Variants in RMST observed in about 807,000 individuals in gnomAD.
RMST encodes the protein long intergenic non-protein coding RNA 54.
chr12:97,463,876 GT>G (rs1047253608), intron 4 of RMST, among the ~76,000 whole-genome samples: 1 of 151,600 alleles, frequency 6.6e-6, no homozygotes, highest in Non-Finnish European at 1.5e-5. Context: ...AAATTAGTTG[GT>G]TTTTTTTAAT....
intron 13 of RMST, chr12:97,563,977 A>G: frequency 2.2e-6 from 1 of 454,500 alleles, no homozygotes. Flanking sequence ...TGATGGAGAC[A>G]AGATTTAGTG....
At chr12:97,535,551 T>C (rs1882004849) in intron 11 of RMST, among the ~76,000 whole-genome samples, 1 of 150,094 alleles carries the variant, frequency 6.7e-6, no homozygotes, top group Admixed American at 6.6e-5. Context: ...AAACTCACAC[T>C]CAGATTGGCA....
At chr12:97,560,652 C>G (rs1215007792) in exon 12 of RMST, 1 of 152,142 alleles carries the variant, frequency 6.6e-6, no homozygotes, top group Non-Finnish European at 1.5e-5. Context: ...ATTCAGAAAG[C>G]CTGGAGTGAT....
chr12:97,547,712 G>T (rs546875507), intron 11 of RMST, among the ~76,000 whole-genome samples: 1 of 152,076 alleles, frequency 6.6e-6, no homozygotes. Context: ...TGTCTATTCA[G>T]GTGCTTTGCT....
At chr12:97,484,183 T>C (rs1365376533) in intron 5 of RMST, among the ~76,000 whole-genome samples, 1 of 152,196 alleles carries the variant, frequency 6.6e-6, no homozygotes, top group Non-Finnish European at 1.5e-5. Context: ...TGTCCTCAGT[T>C]CTTACAGTGA....
chr12:97,512,736 G>C (rs959106712), intron 10 of RMST, among the ~76,000 whole-genome samples: 1 of 152,222 alleles, frequency 6.6e-6, no homozygotes, highest in African/African-American at 2.4e-5. Context: ...AGTGGATCCC[G>C]CACCGGGGCT....
chr12:97,555,560 G>A (rs756607452), intron 11 of RMST, among the ~76,000 whole-genome samples: 1 of 152,154 alleles, frequency 6.6e-6, no homozygotes, highest in Non-Finnish European at 1.5e-5. Context: ...TCAGCCCTCC[G>A]TGAAGTTGGT....
intron 5 of RMST, among the ~76,000 whole-genome samples, chr12:97,467,296 C>A (rs1487561522): frequency 6.6e-6 from 1 of 151,942 alleles, no homozygotes; most frequent in Non-Finnish European, 1.5e-5. Flanking sequence ...TAACGTTAAT[C>A]ACATAGCTTT....
intron 11 of RMST, among the ~76,000 whole-genome samples, chr12:97,539,851 A>G (rs1311898913): frequency 2.0e-5 from 3 of 151,588 alleles, no homozygotes; most frequent in East Asian, 3.9e-4. Flanking sequence ...AAGAATAAAT[A>G]TAGCTATCTT....
At chr12:97,493,753 C>G (rs943430884) in intron 7 of RMST, 1 of 152,168 alleles carries the variant, frequency 6.6e-6, no homozygotes, top group African/African-American at 2.4e-5. Context: ...ATTTTTCCAG[C>G]TAATTTGTGC....
chr12:97,481,812 G>A (rs185506467), intron 5 of RMST, among the ~76,000 whole-genome samples: 1 of 152,256 alleles, frequency 6.6e-6, no homozygotes, highest in East Asian at 1.9e-4. Flanking sequence ...AATTTGGGCA[G>A]TACTCATGAT....
At chr12:97,488,973 T>C (rs1876447322) in intron 5 of RMST, among the ~76,000 whole-genome samples, 1 of 152,084 alleles carries the variant, frequency 6.6e-6, no homozygotes, top group African/African-American at 2.4e-5. Context: ...GCATAAAAAA[T>C]GGACAAGCTG....
chr12:97,496,398 G>A (rs939344290), intron 10 of RMST, among the ~76,000 whole-genome samples: 3 of 149,336 alleles, frequency 2.0e-5, no homozygotes, highest in Non-Finnish European at 4.4e-5. Flanking sequence ...AAATATCTGG[G>A]GTAAAAAAAA....
chr12:97,496,189 C>T (rs1196094386), intron 10 of RMST: 1 of 151,974 alleles, frequency 6.6e-6, no homozygotes, highest in Non-Finnish European at 1.5e-5. Flanking sequence ...AATCAAATGC[C>T]CAGCAACTCC....
chr12:97,537,926 T>A (rs1882194328), intron 11 of RMST, among the ~76,000 whole-genome samples: 1 of 151,454 alleles, frequency 6.6e-6, no homozygotes. Context: ...ACTCATTATG[T>A]GCTTTGACAA....
chr12:97,505,598 T>G (rs10507089), intron 10 of RMST, among the ~76,000 whole-genome samples: 11,407 of 152,332 alleles, frequency 0.075, 736 homozygotes, highest in East Asian at 0.17. Flanking sequence ...TCAGTCATTC[T>G]TATCCATTAA....
intron 11 of RMST, among the ~76,000 whole-genome samples, chr12:97,554,371 T>A (rs902701760): frequency 6.6e-6 from 1 of 152,200 alleles, no homozygotes; most frequent in Admixed American, 6.5e-5. Flanking sequence ...AATTTTTCCC[T>A]ATGGATAATT....
intron 5 of RMST, among the ~76,000 whole-genome samples, chr12:97,488,095 G>C (rs1361745664): frequency 6.6e-6 from 1 of 152,140 alleles, no homozygotes; most frequent in African/African-American, 2.4e-5. Context: ...TCAGGATGAA[G>C]GTTTTCTGGC....
At chr12:97,564,344 G>A (rs888624228) in exon 14 of RMST, 10 of 160,642 alleles carry the variant, frequency 6.2e-5, no homozygotes, top group Non-Finnish European at 1.2e-4. Context: ...CATTGGATGG[G>A]CTAGATCAAC....
Sources: gnomAD v4.1 joint callset for allele counts (sites outside exome capture counted in the v4.1 genomes callset) on GRCh38, gnomAD v4.1.1 for gene constraint, MANE v1.5 for transcripts, NCBI Gene and HGNC (gene_info 2026-07-23, HGNC 2026-07-21) for gene names.